SEMA4B: variants seen among roughly 807,000 people sequenced by gnomAD.
SEMA4B encodes the protein semaphorin 4B, also known as semaphorin-4B.
Under a neutral mutation model 88.1 loss-of-function variants are expected in SEMA4B, and 55 were observed. The ratio of observed to expected loss-of-function variants is 0.62; its 90% CI spans 0.50 to 0.78. The LOEUF is 0.78. Among genes scored for constraint, SEMA4B ranks in the 30% least tolerant of loss-of-function variants. SEMA4B has a pLI of 0.00. For synonymous variants in SEMA4B, 525 were observed against 473.6 expected (o/e 1.11, Z -1.41); for missense variants, 1,062 against 1,111.9 (o/e 0.96, Z 0.64).
At chr15:90,222,759 A>C (rs1961926494) in intron 7 of SEMA4B, among the ~76,000 whole-genome samples, 1 of 152,024 alleles carries the variant, frequency 6.6e-6, no homozygotes, top group African/African-American at 2.4e-5. Context: ...AAATAGGAAG[A>C]ATAACACTGA....
rs983896896 is a variant in SEMA4B, at chr15:90,202,226, TTGCCAG to T, written c.157+495_157+500del. On this transcript the variant is annotated intron_variant, in intron 1 of 13. Transcript: ENST00000411539. ...CCCTCTCCGCCCCTCCATCCCTGGCTTGCCAGTGCAGCCCCAAGCCCCAGCATGGAG... is the reference window on the plus strand; with the variant it reads ...CCCTCTCCGCCCCTCCATCCCTGGCTTGCAGCCCCAAGCCCCAGCATGGAG... Among the ~76,000 whole-genome samples, 61 of 152,362 alleles carry T rather than the reference TTGCCAG, an allele frequency of 4.0e-4. 1 individual carries two copies. Among genetic ancestry groups the T allele is most frequent in the Middle Eastern group, 3.4e-3 (1 of 294 alleles).
chr15:90,227,997 T>C lies in SEMA4B; in HGVS notation c.1868T>C (p.Leu623Pro), dbSNP rs770020733. ...TCCAACCTGGCGACCCGACTCTGGC[T>C]ACGCAACGGGGCCCCCGTCAATGCC... ...LLSNLATRLW[L>P]RNGAPVNASA... The change falls in exon 14 of 14, where the codon CTA becomes CCA. Residue 623 changes from leucine (L) to proline (P), a missense_variant. Transcript: ENST00000411539. The C allele has an allele frequency of 5.6e-6, 9 of 1,613,922 alleles. No individual in the cohort carries two copies. The highest frequency in any genetic ancestry group is 8.5e-7 in the Non-Finnish European group (1 of 1,179,876).
intron 1 of SEMA4B, among the ~76,000 whole-genome samples, chr15:90,203,403 A>G (rs1200792814): frequency 6.6e-6 from 1 of 152,176 alleles, no homozygotes. Context: ...AGATGCTCCA[A>G]TGGACTCCAC....
chr15:90,219,715 T>G (rs1218764604), intron 3 of SEMA4B, 78 bp from the exon 4 acceptor site: 11 of 1,114,872 alleles, frequency 9.9e-6, no homozygotes, highest in Non-Finnish European at 1.2e-5. Context: ...GGCCTGGGTG[T>G]GGAAGGGGGG....
chr15:90,196,441 C>T (rs562582593), upstream of SEMA4B, among the ~76,000 whole-genome samples: 9 of 152,266 alleles, frequency 5.9e-5, no homozygotes, highest in South Asian at 1.9e-3. Flanking sequence ...GGTTTCCCAT[C>T]CACTGATGAT....
At chr15:90,227,792 T>A in intron 13 of SEMA4B, 112 bp from the exon 14 acceptor site, 1 of 1,517,876 alleles carries the variant, frequency 6.6e-7, no homozygotes, top group East Asian at 2.3e-5. Context: ...GTCCCAGGGG[T>A]CCCCGGAGTT....
intron 3 of SEMA4B, chr15:90,218,073 C>T (rs534617417): frequency 8.5e-5 from 41 of 483,142 alleles, no homozygotes; most frequent in Non-Finnish European, 1.3e-4. Flanking sequence ...GATAATGATC[C>T]GGTCTCACTG....
At chr15:90,227,526 G>A (rs368529180) in intron 12 of SEMA4B, 31 bp from the exon 13 acceptor site, 99 of 1,608,414 alleles carry the variant, frequency 6.2e-5, no homozygotes, top group Non-Finnish European at 8.0e-5. Context: ...GGGACTTCCT[G>A]GCCAATCCCA....
intron 1 of SEMA4B, among the ~76,000 whole-genome samples, chr15:90,213,142 A>AT (rs983905644): frequency 3.3e-5 from 5 of 152,132 alleles, no homozygotes; most frequent in African/African-American, 7.2e-5. Flanking sequence ...ACGTAATCTC[A>AT]TTTTTTCTAA....
At chr15:90,221,881 C>A in intron 7 of SEMA4B, 116 bp downstream of exon 7, 1 of 889,152 alleles carries the variant, frequency 1.1e-6, no homozygotes, top group Non-Finnish European at 1.7e-6. Flanking sequence ...TACAGCTTGG[C>A]TAACAGCTTT....
chr15:90,216,383 C>T (rs1017719329), intron 1 of SEMA4B, among the ~76,000 whole-genome samples: 7 of 152,190 alleles, frequency 4.6e-5, no homozygotes, highest in African/African-American at 1.4e-4. Context: ...CATATTCTGT[C>T]ACCGTACTGT....
At position 90,229,550 on chromosome 15, in the gene SEMA4B, A is replaced by G; in HGVS notation, c.*907A>G. On this transcript the variant is annotated 3_prime_UTR_variant, in exon 14 of 14. Coordinates refer to ENST00000411539, the MANE Select transcript of SEMA4B (RefSeq NM_198925.4). ...CCCTCACCTTCCTCCACTCTAAGGG[A>G]TATCAACACTGCCCAGCACAGGGGC... The G allele has an allele frequency of 5.3e-6, 2 of 375,142 alleles. No homozygotes were observed. The highest frequency in any genetic ancestry group is 3.9e-5 in the South Asian group (2 of 51,098). The allele number at this position is 375,142 out of a possible 1,614,324, so 23.2% of individuals were successfully genotyped here.
chr15:90,212,296 CT>C lies in SEMA4B; in HGVS notation c.158-5142del. On this transcript the variant is annotated intron_variant, in intron 1 of 13. Coordinates refer to ENST00000411539, the MANE Select transcript of SEMA4B (RefSeq NM_198925.4). The surrounding 1 kb of genome is among the most constrained non-coding windows in gnomAD (Gnocchi z 4.0). ...TCTGCCTTTTTGAAGGATGATCTGC[CT>C]AGTGGGATGCACTGGCCTTGGTGAA... Among the ~76,000 whole-genome samples, 1 of 152,282 alleles carries C rather than the reference CT, an allele frequency of 6.6e-6. No individual in the cohort carries two copies. The highest frequency in any genetic ancestry group is 6.5e-5 in the Admixed American group (1 of 15,288).
Position 90,225,679 on chromosome 15 carries a change from T to C in SEMA4B, c.1540T>C (p.Ser514Pro). ...TGTGCAGGGGCTGCTGTATGCGGCCTCACACTCGGGCGTAGTCCAGGTGCC... is the reference window on the plus strand; with the variant it reads ...TGTGCAGGGGCTGCTGTATGCGGCCCCACACTCGGGCGTAGTCCAGGTGCC... ...DTHRGLLYAASHSGVVQVPMA... is the reference protein window; with the variant it reads ...DTHRGLLYAAPHSGVVQVPMA... Residue 514 changes from serine (S) to proline (P), a missense_variant, in exon 12 of 14, where the codon TCA becomes CCA. Transcript: ENST00000411539. 6.4e-7 allele frequency: 1 copy of C among 1,567,266 alleles called. No individual in the cohort carries two copies.
intron 1 of SEMA4B, chr15:90,193,362 G>T (rs1276224034): frequency 1.3e-5 from 2 of 152,312 alleles, no homozygotes; most frequent in African/African-American, 4.8e-5. Context: ...GACCAAAGCT[G>T]CTGTGCTGGG....
At chr15:90,225,911 C>T (rs374132267) in intron 12 of SEMA4B, 84 bp downstream of exon 12, 19 of 1,121,872 alleles carry the variant, frequency 1.7e-5, no homozygotes, top group Middle Eastern at 2.1e-4. Context: ...TCCTTGGGAC[C>T]GCCACACAGC....
chr15:90,225,900 C>A, intron 12 of SEMA4B, 73 bp downstream of exon 12: 1 of 1,245,146 alleles, frequency 8.0e-7, no homozygotes, highest in Non-Finnish European at 1.1e-6. Flanking sequence ...ATCCTGGGCC[C>A]TCCTTGGGAC....
At chr15:90,220,097 C>G (rs572967317) in intron 4 of SEMA4B, 243 of 532,668 alleles carry the variant, frequency 4.6e-4, no homozygotes, top group African/African-American at 3.6e-3. Flanking sequence ...TGCGGGGAGG[C>G]GGGGGCACAT....
rs747957901 is a variant in SEMA4B at position 90,219,796 on chromosome 15, G to A, written c.388G>A (p.Asp130Asn). The A allele has an allele frequency of 1.5e-5, 24 of 1,612,814 alleles. No homozygotes were observed. The highest frequency in any genetic ancestry group is 6.7e-5 in the African/African-American group (5 of 74,908). Residue 130 changes from aspartate (D) to asparagine (N), a missense_variant, in exon 4 of 14, where the codon GAC becomes AAC. By Grantham distance (23) the Asp-to-Asn change is conservative. Coordinates refer to ENST00000411539, the MANE Select transcript of SEMA4B (RefSeq NM_198925.4). Reference protein sequence around the residue: ...CSFKGKDPQRDCQNYIKILLP... With the variant: ...CSFKGKDPQRNCQNYIKILLP... ...TCCCCTCGCTCCTTCCCCCCAGCGCGACTGTCAAAACTACATCAAGATCCT... is the reference window on the plus strand; with the variant it reads ...TCCCCTCGCTCCTTCCCCCCAGCGCAACTGTCAAAACTACATCAAGATCCT...
Sources: gnomAD v4.1 joint callset for allele counts (sites outside exome capture counted in the v4.1 genomes callset) on GRCh38, gnomAD v4.1.1 for gene constraint, Gnocchi (gnomAD v3.1) non-coding constraint, MANE v1.5 for transcripts, NCBI Gene and HGNC (gene_info 2026-07-23, HGNC 2026-07-21) for gene names.